Variants in FOCAD observed in about 807,000 individuals in gnomAD.
FOCAD encodes KIAA1797.
In FOCAD, 198 loss-of-function variants were observed where a neutral mutation model predicts 225.6. That is an observed-to-expected ratio of 0.88 (90% CI 0.78 to 0.99). The LOEUF (loss-of-function observed/expected upper bound fraction) is 0.99. Ranked by LOEUF, FOCAD falls within the 50% of genes least tolerant of loss-of-function variation. FOCAD has a pLI of 0.00. For synonymous variants in FOCAD, 897 were observed against 755.0 expected (o/e 1.19, Z -3.08); for missense variants, 2,713 against 2,123.6 (o/e 1.28, Z -5.46).
intron 5 of FOCAD, among the ~76,000 whole-genome samples, chr9:20,752,284 G>A (rs1828630442): frequency 6.6e-6 from 1 of 151,212 alleles, no homozygotes; most frequent in Non-Finnish European, 1.5e-5. Context: ...GGGTTTTTAT[G>A]GTTTTAGGTC....
intron 21 of FOCAD, 150 bp from the exon 22 acceptor site, chr9:20,907,000 A>C: frequency 1.7e-6 from 1 of 601,320 alleles, no homozygotes; most frequent in Non-Finnish European, 2.9e-6. Context: ...TATCCAAAAG[A>C]TATTATTTGT....
chr9:20,883,240 C>G (rs1284411255), intron 20 of FOCAD, among the ~76,000 whole-genome samples: 1 of 152,170 alleles, frequency 6.6e-6, no homozygotes, highest in Non-Finnish European at 1.5e-5. Flanking sequence ...CATGAAATAA[C>G]ATACTTTCAA....
At chr9:20,930,163 TTTGA>T (rs1035163533) in intron 27 of FOCAD, among the ~76,000 whole-genome samples, 3 of 141,346 alleles carry the variant, frequency 2.1e-5, no homozygotes, top group Non-Finnish European at 3.1e-5. Flanking sequence ...CTTTGTTCAC[TTTGA>T]TTGCTCATTT....
At chr9:20,882,166 CAT>C (rs1185029171) in intron 20 of FOCAD, 110 bp downstream of exon 20, 75 of 888,550 alleles carry the variant, frequency 8.4e-5, no homozygotes, top group East Asian at 4.5e-4. Context: ...CTGCTACTAA[CAT>C]GTGGATAAAT....
At chr9:20,670,551 C>G (rs1482615849) in intron 2 of FOCAD, among the ~76,000 whole-genome samples, 1 of 152,110 alleles carries the variant, frequency 6.6e-6, no homozygotes, top group Non-Finnish European at 1.5e-5. Context: ...ATCACCAGAT[C>G]TTGTGAGAAT....
At chr9:20,870,634 A>G (rs1385190621) in intron 18 of FOCAD, among the ~76,000 whole-genome samples, 1 of 152,228 alleles carries the variant, frequency 6.6e-6, no homozygotes, top group East Asian at 1.9e-4. Context: ...AGGCAACAGC[A>G]TCAGATCGCA....
chr9:20,813,978 C>T (rs1823367402), intron 11 of FOCAD, among the ~76,000 whole-genome samples: 1 of 152,074 alleles, frequency 6.6e-6, no homozygotes, highest in Non-Finnish European at 1.5e-5. Context: ...TATATAATGT[C>T]CTTCTTTCTC....
In FOCAD at chr9:20,797,461, T is replaced by G. The variant is rs138884417; in HGVS notation, c.1455+7853T>G. 2.6e-3 allele frequency among the ~76,000 whole-genome samples: 394 copies of G among 152,234 alleles called. 2 individuals are homozygous for G. The highest frequency in any genetic ancestry group is 0.017 in the Middle Eastern group (5 of 294). On this transcript the variant is annotated intron_variant, in intron 11 of 43. Transcript: ENST00000338382. ...TTCCTACCCATGAGCATGGAATGTTTTTCCATTTGTTTGTATCCTCTTTTA... is the reference window on the plus strand; with the variant it reads ...TTCCTACCCATGAGCATGGAATGTTGTTCCATTTGTTTGTATCCTCTTTTA...
intron 11 of FOCAD, among the ~76,000 whole-genome samples, chr9:20,811,058 T>C (rs1823013867): frequency 6.6e-6 from 1 of 152,118 alleles, no homozygotes; most frequent in Admixed American, 6.6e-5. Context: ...TGGCAGATAG[T>C]AGTCTTTTAA....
chr9:20,947,928 G>A (rs1564191187), intron 30 of FOCAD, among the ~76,000 whole-genome samples: 1 of 151,940 alleles, frequency 6.6e-6, no homozygotes, highest in East Asian at 1.9e-4. Context: ...TTTTTGTTTA[G>A]GAGTTGATTG....
At chr9:20,663,540 C>T (rs1362955672) in intron 2 of FOCAD, among the ~76,000 whole-genome samples, 1 of 151,390 alleles carries the variant, frequency 6.6e-6, no homozygotes, top group Non-Finnish European at 1.5e-5. Context: ...TTGCAATCTT[C>T]CAATCTATCA....
At position 20,982,366 on chromosome 9, in the gene FOCAD, C is replaced by T; in HGVS notation, c.4648C>T (p.Leu1550=). 1 of 1,612,044 alleles carries T rather than the reference C, an allele frequency of 6.2e-7. No homozygotes were observed. Among genetic ancestry groups the T allele is most frequent in the Non-Finnish European group, 8.5e-7 (1 of 1,178,244 alleles). ...LLPNKIRRKD[L]ELYISIAKCL... is the part of the protein sequence containing the mutation. The stretch of plus-strand genomic sequence containing the variant: ...GATTTTTCTTTATCAGAGAAAGGAT[C>T]TAGAGCTGTATATCAGCATAGCAAA... Residue 1550 remains leucine, a synonymous_variant, in exon 39 of 44, where the codon CTA becomes TTA. Transcript: ENST00000338382.
At chr9:20,865,274 T>C (rs941263886) in intron 16 of FOCAD, among the ~76,000 whole-genome samples, 1 of 152,068 alleles carries the variant, frequency 6.6e-6, no homozygotes, top group Non-Finnish European at 1.5e-5. Context: ...AGAATTAATA[T>C]ACTGTTGCTT....
chr9:20,664,105 ACT>A (rs1349544459), intron 2 of FOCAD, among the ~76,000 whole-genome samples: 2 of 152,078 alleles, frequency 1.3e-5, no homozygotes, highest in African/African-American at 2.4e-5. Flanking sequence ...GAATGTATTA[ACT>A]CTGTTTTCTC....
intron 21 of FOCAD, among the ~76,000 whole-genome samples, chr9:20,888,436 C>T (rs1036589871): frequency 1.3e-4 from 20 of 152,186 alleles, no homozygotes; most frequent in Middle Eastern, 3.4e-3. Flanking sequence ...TGCGCCTGGC[C>T]TTCATTTTTT....
At chr9:20,913,314 TAGTCAAGGATTACTTCTCC>T (rs1833605034) in intron 23 of FOCAD, among the ~76,000 whole-genome samples, 1 of 152,074 alleles carries the variant, frequency 6.6e-6, no homozygotes, top group African/African-American at 2.4e-5. Context: ...ACCTCACATG[TAGTCAAGGATTACTTCTCC>T]CCTCCTCTGC....
chr9:20,907,532 T>A (rs1352121336), intron 22 of FOCAD, among the ~76,000 whole-genome samples: 2 of 152,022 alleles, frequency 1.3e-5, no homozygotes, highest in Non-Finnish European at 2.9e-5. Context: ...AGCACCTGAC[T>A]TGAGTGCATC....
chr9:20,970,710 A>G (rs1373503196), intron 35 of FOCAD, among the ~76,000 whole-genome samples: 2 of 151,900 alleles, frequency 1.3e-5, no homozygotes, highest in Non-Finnish European at 2.9e-5. Context: ...TTTTCTGTTA[A>G]TTTCTTCTGT....
intron 4 of FOCAD, among the ~76,000 whole-genome samples, chr9:20,730,266 C>T (rs939415773): frequency 4.6e-5 from 7 of 152,082 alleles, no homozygotes; most frequent in African/African-American, 1.7e-4. Context: ...CAAATGGTGA[C>T]ATTCTAATTC....
Sources: allele counts gnomAD v4.1 joint callset (sites outside exome capture counted in the v4.1 genomes callset), GRCh38; gene constraint gnomAD v4.1.1; transcripts MANE v1.5; gene names NCBI Gene and HGNC (gene_info 2026-07-23, HGNC 2026-07-21).